CADPS2: variants seen among roughly 807,000 people sequenced by gnomAD.
CADPS2 encodes the protein calcium dependent secretion activator 2.
In CADPS2, 93 loss-of-function variants were observed where a neutral mutation model predicts 172.5. The observed-to-expected ratio is 0.54, with a 90% CI of 0.46 to 0.64. The LOEUF (loss-of-function observed/expected upper bound fraction) is 0.64. Among genes scored for constraint, CADPS2 ranks in the 30% least tolerant of loss-of-function variants. The pLI, the probability that CADPS2 is intolerant of heterozygous loss-of-function variation, is 0.00. For synonymous variants in CADPS2, 546 were observed against 555.2 expected (o/e 0.98, Z 0.23); for missense variants, 1,420 against 1,565.9 (o/e 0.91, Z 1.57).
At chr7:122,616,906 C>T (rs1359342958) in intron 5 of CADPS2, among the ~76,000 whole-genome samples, 1 of 152,148 alleles carries the variant, frequency 6.6e-6, no homozygotes, top group Non-Finnish European at 1.5e-5. Context: ...GGCAACTACA[C>T]TTGGACTTAC....
chr7:122,587,076 T>C (rs1031115075), intron 6 of CADPS2, among the ~76,000 whole-genome samples: 11 of 151,800 alleles, frequency 7.2e-5, no homozygotes, highest in East Asian at 3.9e-4. Flanking sequence ...TTACAAATAA[T>C]TCTTATGATT....
intron 8 of CADPS2, among the ~76,000 whole-genome samples, chr7:122,538,527 A>G (rs1436104703): frequency 6.6e-6 from 1 of 151,912 alleles, no homozygotes; most frequent in African/African-American, 2.4e-5. Context: ...ATTGTTTTCC[A>G]TGAATGTAAG....
chr7:122,805,981 T>C (rs182422283), intron 1 of CADPS2, among the ~76,000 whole-genome samples: 1 of 152,318 alleles, frequency 6.6e-6, no homozygotes, highest in Non-Finnish European at 1.5e-5. Context: ...GTAGGAGGTA[T>C]GGATTTTTAT....
chr7:122,426,408 C>T (rs576407594), intron 17 of CADPS2, among the ~76,000 whole-genome samples: 65 of 152,210 alleles, frequency 4.3e-4, no homozygotes, highest in African/African-American at 1.4e-3. Context: ...GCATTGATGC[C>T]TCATGGATAT....
intron 14 of CADPS2, among the ~76,000 whole-genome samples, chr7:122,455,572 C>T (rs552014116): frequency 6.6e-6 from 1 of 151,678 alleles, no homozygotes; most frequent in East Asian, 1.9e-4. Context: ...TGCATATATG[C>T]TGAGGAAATG....
At chr7:122,505,760 C>T (rs964509794) in intron 9 of CADPS2, among the ~76,000 whole-genome samples, 6 of 152,196 alleles carry the variant, frequency 3.9e-5, no homozygotes, top group African/African-American at 7.2e-5. Context: ...CCTATTAATG[C>T]TATCTTTTGG....
intron 5 of CADPS2, among the ~76,000 whole-genome samples, chr7:122,617,965 C>T (rs2133922046): frequency 6.6e-6 from 1 of 152,134 alleles, no homozygotes; most frequent in African/African-American, 2.4e-5. Context: ...ATGGTGTTAA[C>T]CTGGGAGGCG....
intron 8 of CADPS2, among the ~76,000 whole-genome samples, chr7:122,544,291 A>T (rs940910983): frequency 6.6e-6 from 1 of 152,174 alleles, no homozygotes; most frequent in African/African-American, 2.4e-5. Flanking sequence ...GACATACATC[A>T]TGGGCTAAGG....
At chr7:122,797,656 G>A (rs552454177) in intron 1 of CADPS2, among the ~76,000 whole-genome samples, 5 of 149,144 alleles carry the variant, frequency 3.4e-5, no homozygotes, top group Middle Eastern at 3.5e-3. Context: ...AGAACACATG[G>A]ACACCTAGAG....
At chr7:122,755,585 G>A (rs1302820109) in intron 1 of CADPS2, among the ~76,000 whole-genome samples, 1 of 151,962 alleles carries the variant, frequency 6.6e-6, no homozygotes, top group Non-Finnish European at 1.5e-5. Context: ...AGAACTTCCA[G>A]TACATAAAAT....
Position 122,632,457 on chromosome 7 carries a change from A to C in CADPS2, c.787-3129T>G, listed in dbSNP as rs147135397. On this transcript the variant is annotated intron_variant, in intron 3 of 29. Coordinates refer to ENST00000449022, the MANE Select transcript of CADPS2 (RefSeq NM_017954.11). Reference sequence around the variant, plus strand: ...GGCTTTGATTTGCATTTCTCTGATGATTAGTGATGTTGAGCATTTGCTCAT... The same window carrying C: ...GGCTTTGATTTGCATTTCTCTGATGCTTAGTGATGTTGAGCATTTGCTCAT... Among the ~76,000 whole-genome samples, 231 of 152,150 alleles carry C rather than the reference A, an allele frequency of 1.5e-3. 1 individual carries two copies. Among genetic ancestry groups the C allele is most frequent in the Admixed American group, 4.4e-3 (68 of 15,290 alleles).
chr7:122,646,043 G>A (rs2078517474), intron 3 of CADPS2, among the ~76,000 whole-genome samples: 1 of 151,944 alleles, frequency 6.6e-6, no homozygotes, highest in Admixed American at 6.6e-5. Flanking sequence ...ATTAAGTAAA[G>A]TAACAAAGAC....
intron 15 of CADPS2, among the ~76,000 whole-genome samples, chr7:122,444,537 G>A (rs1178968912): frequency 1.3e-5 from 2 of 151,998 alleles, no homozygotes; most frequent in Non-Finnish European, 2.9e-5. Context: ...ATCTAACTAT[G>A]GTTTCAAATT....
At position 122,821,222 on chromosome 7, in the gene CADPS2, G is replaced by A. The variant is rs887335554; in HGVS notation, c.339+64777C>T. ...CTTTCCTGTTCCTCACCCTGATCAT[G>A]CTTGATTTATTGATGGCGGTTCCAC... is the stretch of plus-strand genomic sequence containing the variant. On this transcript the variant is annotated intron_variant, in intron 1 of 29. Coordinates refer to ENST00000449022, the MANE Select transcript of CADPS2 (RefSeq NM_017954.11). Among the ~76,000 whole-genome samples the A allele has an allele frequency of 3.9e-5, 6 of 152,096 alleles. No individual in the cohort carries two copies. The South Asian group carries it at 6.2e-4, about 16-fold the overall frequency.
chr7:122,335,640 G>A (rs2035747337), intron 28 of CADPS2, among the ~76,000 whole-genome samples: 1 of 152,172 alleles, frequency 6.6e-6, no homozygotes, highest in Admixed American at 6.6e-5. Flanking sequence ...TAGAAGGCTT[G>A]AAAGAATCTT....
chr7:122,798,702 G>A (rs1292430554), intron 1 of CADPS2, among the ~76,000 whole-genome samples: 2 of 151,992 alleles, frequency 1.3e-5, no homozygotes, highest in Non-Finnish European at 2.9e-5. Flanking sequence ...TGAAACTCTA[G>A]AGAAACTTCT....
chr7:122,463,971 C>G (rs1206630923), intron 14 of CADPS2, among the ~76,000 whole-genome samples: 2 of 152,222 alleles, frequency 1.3e-5, no homozygotes, highest in Non-Finnish European at 2.9e-5. Context: ...CATCATATAT[C>G]ACCTAGCTCT....
intron 3 of CADPS2, among the ~76,000 whole-genome samples, chr7:122,662,210 T>C (rs1183815740): frequency 1.3e-5 from 2 of 152,302 alleles, no homozygotes; most frequent in East Asian, 3.9e-4. Context: ...AATTTTTAAG[T>C]GTCAGAATTT....
At chr7:122,441,212 A>G (rs1365244531) in intron 16 of CADPS2, among the ~76,000 whole-genome samples, 1 of 152,172 alleles carries the variant, frequency 6.6e-6, no homozygotes, top group African/African-American at 2.4e-5. Flanking sequence ...AAAAACAATT[A>G]TTCTTAACTG....
Sources: allele counts gnomAD v4.1 joint callset (sites outside exome capture counted in the v4.1 genomes callset), GRCh38; gene constraint gnomAD v4.1.1; transcripts MANE v1.5; gene names NCBI Gene and HGNC (gene_info 2026-07-23, HGNC 2026-07-21).